Variants in MMP26 observed in about 807,000 individuals in gnomAD.
MMP26 encodes matrix metalloproteinase-26.
A neutral mutation model predicts 31.0 loss-of-function variants in MMP26; 33 were observed. The ratio of observed to expected loss-of-function variants is 1.06; its 90% CI spans 0.81 to 1.42. The LOEUF (loss-of-function observed/expected upper bound fraction) is 1.42, where lower values mean the gene tolerates loss of function less well. Ranked by LOEUF, MMP26 falls within the 40% of genes most tolerant of loss-of-function variation. The probability of loss-of-function intolerance (pLI) is 0.00; values close to 1 mark genes in which losing one functional copy is unlikely to be tolerated. For missense variants in MMP26, 347 were observed against 316.1 expected (o/e 1.10, Z -0.74); for synonymous variants, 122 against 114.9 (o/e 1.06, Z -0.40).
intron 2 of MMP26, chr11:4,955,744 T>C: frequency 1.3e-6 from 2 of 1,573,982 alleles, no homozygotes; most frequent in East Asian, 4.5e-5. Context: ...CTATGAAAAA[T>C]ACAGATACAC....
intron 2 of MMP26, among the ~76,000 whole-genome samples, chr11:4,805,664 T>C (rs1227726509): frequency 6.6e-6 from 1 of 152,122 alleles, no homozygotes; most frequent in African/African-American, 2.4e-5. Context: ...AGCAAATAAA[T>C]GTCATTATTC....
intron 2 of MMP26, among the ~76,000 whole-genome samples, chr11:4,868,530 C>T (rs1358340289): frequency 6.6e-6 from 1 of 152,124 alleles, no homozygotes; most frequent in Non-Finnish European, 1.5e-5. Context: ...AAGACCTCTT[C>T]AAGAGAACTA....
intron 2 of MMP26, chr11:4,859,847 G>T: frequency 2.1e-6 from 1 of 471,352 alleles, no homozygotes; most frequent in Non-Finnish European, 4.4e-6. Flanking sequence ...CATGTGCTGA[G>T]GGTTTTCAGC....
chr11:4,798,189 G>A (rs554463117), intron 2 of MMP26, among the ~76,000 whole-genome samples: 2 of 152,362 alleles, frequency 1.3e-5, no homozygotes, highest in South Asian at 2.1e-4. Context: ...AGATTCATCA[G>A]GGGTGGGGAT....
At chr11:4,918,099 G>T (rs1851125395) in intron 2 of MMP26, among the ~76,000 whole-genome samples, 1 of 152,004 alleles carries the variant, frequency 6.6e-6, no homozygotes, top group South Asian at 2.1e-4. Flanking sequence ...GAAAAAATTT[G>T]CAAGTTAGTA....
intron 2 of MMP26, chr11:4,847,617 C>T (rs966996111): frequency 3.3e-5 from 5 of 152,164 alleles, no homozygotes; most frequent in African/African-American, 9.7e-5. Flanking sequence ...ATTCAATATA[C>T]ATATGTATTC....
chr11:4,870,202 C>T (rs1322349515), intron 2 of MMP26, among the ~76,000 whole-genome samples: 2 of 151,732 alleles, frequency 1.3e-5, no homozygotes, highest in Admixed American at 6.6e-5. Context: ...GCACTTGTAC[C>T]CTGGAACTTA....
At chr11:4,908,798 C>G (rs1196213580) in intron 2 of MMP26, 1 of 162,470 alleles carries the variant, frequency 6.2e-6, no homozygotes, top group East Asian at 1.7e-4. Flanking sequence ...CTAAAAAAAG[C>G]TTTGAAAAGT....
At chr11:4,795,422 G>A (rs1321291490) in intron 2 of MMP26, 3 of 152,176 alleles carry the variant, frequency 2.0e-5, no homozygotes, top group Admixed American at 6.5e-5. Flanking sequence ...TTTCCGAAAA[G>A]ATTGGGAATT....
chr11:4,748,645 C>G (rs944815914), intron 1 of MMP26, among the ~76,000 whole-genome samples: 3 of 147,862 alleles, frequency 2.0e-5, no homozygotes, highest in Middle Eastern at 3.6e-3. Flanking sequence ...GCAACGTAGG[C>G]AAATCAGTAA....
intron 3 of MMP26, 144 bp downstream of exon 3, chr11:4,988,454 T>C: frequency 1.4e-6 from 1 of 717,908 alleles, no homozygotes; most frequent in East Asian, 2.7e-5. Context: ...TCTATCTATG[T>C]GTTCATTTTT....
intron 2 of MMP26, among the ~76,000 whole-genome samples, chr11:4,781,785 T>C (rs922356857): frequency 4.6e-5 from 7 of 152,188 alleles, no homozygotes; most frequent in East Asian, 1.9e-4. Context: ...TAGGAAGTGA[T>C]TGAATTATGG....
chr11:4,847,970 C>T lies in MMP26; in HGVS notation c.-145+80629C>T, dbSNP rs1849898296. 3 of 404,790 alleles carry T rather than the reference C, an allele frequency of 7.4e-6. No homozygotes were observed. The East Asian group carries it at 1.2e-4, about 16-fold the overall frequency. 25.1% of individuals were successfully genotyped at this position (404,790 alleles called of 1,614,324 possible). On this transcript the variant is annotated intron_variant, in intron 2 of 7. Coordinates refer to ENST00000380390, the MANE Select transcript of MMP26 (RefSeq NM_021801.5). ...AACAACAATAAGATAACAACAGGCA[C>T]ACACTTGGATAGTTGTGACAAGATC...
intron 2 of MMP26, among the ~76,000 whole-genome samples, chr11:4,810,954 A>T (rs988790498): frequency 1.3e-5 from 2 of 152,210 alleles, no homozygotes; most frequent in African/African-American, 4.8e-5. Flanking sequence ...AAAGTGCAAC[A>T]TACATTTACA....
intron 2 of MMP26, chr11:4,924,247 A>G (rs1438243967): frequency 2.5e-6 from 4 of 1,614,066 alleles, no homozygotes; most frequent in Admixed American, 1.7e-5. Flanking sequence ...AGCAGAAGGG[A>G]ATAGAGATCC....
chr11:4,933,080 C>T (rs113746583), intron 2 of MMP26, among the ~76,000 whole-genome samples: 2,773 of 151,914 alleles, frequency 0.018, 33 homozygotes, highest in Middle Eastern at 0.037. Flanking sequence ...TAGAGAAAGC[C>T]GAAAATGCCT....
At chr11:4,729,788 T>C (rs1322155367) in intron 1 of MMP26, among the ~76,000 whole-genome samples, 3 of 151,968 alleles carry the variant, frequency 2.0e-5, no homozygotes. Context: ...TGAGAAAGCC[T>C]CTCATTGAGT....
intron 2 of MMP26, among the ~76,000 whole-genome samples, chr11:4,815,555 C>G (rs1849409025): frequency 1.3e-5 from 2 of 149,476 alleles, no homozygotes; most frequent in Non-Finnish European, 3.0e-5. Context: ...ATAGTCAGCA[C>G]AGCAATGAAG....
rs1333899361 is a variant in MMP26, at chr11:4,945,958, G to A, written c.-144-42110G>A. 1.2e-5 allele frequency: 7 copies of A among 588,938 alleles called. No individual in the cohort carries two copies. In the Admixed American group the frequency reaches 2.2e-4, roughly 18 times the overall value. The allele number at this position is 588,938 out of a possible 1,614,324, so 36.5% of individuals were successfully genotyped here. On this transcript the variant is annotated intron_variant, in intron 2 of 7. Coordinates refer to ENST00000380390, the MANE Select transcript of MMP26 (RefSeq NM_021801.5). Reference sequence around the variant, plus strand: ...ATCATAAGACATTTATTTTTATTCTGCTTAACTGAAATGGGGACATAAGGC... The same window carrying A: ...ATCATAAGACATTTATTTTTATTCTACTTAACTGAAATGGGGACATAAGGC...
Sources: gnomAD v4.1 joint callset for allele counts (sites outside exome capture counted in the v4.1 genomes callset) on GRCh38, gnomAD v4.1.1 for gene constraint, MANE v1.5 for transcripts, NCBI Gene and HGNC (gene_info 2026-07-23, HGNC 2026-07-21) for gene names.